Variants in EFHB observed in about 807,000 individuals in gnomAD.
The protein encoded by EFHB is EF-hand domain-containing family member B.
Under a neutral mutation model 87.2 loss-of-function variants are expected in EFHB, and 91 were observed. The ratio of observed to expected loss-of-function variants is 1.04; its 90% CI spans 0.88 to 1.24. The LOEUF is 1.24. EFHB is among the 50% of genes most tolerant of loss of function. The probability of loss-of-function intolerance (pLI) is 0.00; values close to 1 mark genes in which losing one functional copy is unlikely to be tolerated. For synonymous variants in EFHB, 325 were observed against 333.6 expected, an observed-to-expected ratio of 0.97 and a Z score of 0.28; for missense variants, 1,084 against 998.8, an observed-to-expected ratio of 1.09 and a Z score of -1.15.
chr3:19,923,462 A>G (rs1295476339), intron 1 of EFHB, among the ~76,000 whole-genome samples: 2 of 152,128 alleles, frequency 1.3e-5, no homozygotes, highest in Non-Finnish European at 2.9e-5. Context: ...ACCTCAGCTC[A>G]CTGCAACCTC....
intron 1 of EFHB, among the ~76,000 whole-genome samples, chr3:19,930,219 ATT>A (rs1695783701): frequency 6.6e-6 from 1 of 152,208 alleles, no homozygotes; most frequent in Non-Finnish European, 1.5e-5. Context: ...TAATGTTATT[ATT>A]CTTGTGTTAT....
chr3:19,881,189 G>T lies in EFHB; in HGVS notation c.2328+1361C>A, dbSNP rs2071667383. ...TAGCTGCTATTTTCCCCACCCACTG[G>T]TAGTTTAAAAAGGCCCCTGCAGAGT... is the stretch of plus-strand genomic sequence containing the variant. On this transcript the variant is annotated intron_variant, in intron 12 of 12. Transcript: ENST00000295824. 2.0e-5 allele frequency among the ~76,000 whole-genome samples: 3 copies of T among 152,118 alleles called. No individual in the cohort carries two copies. In the South Asian group the frequency reaches 6.2e-4, roughly 32 times the overall value.
chr3:19,916,939 T>C (rs1252229971), intron 4 of EFHB, among the ~76,000 whole-genome samples: 2 of 152,190 alleles, frequency 1.3e-5, no homozygotes, highest in Non-Finnish European at 2.9e-5. Flanking sequence ...ATAATACAGA[T>C]ATATACATTT....
chr3:19,934,440 C>CTCTCT (rs1695959447), upstream of EFHB, among the ~76,000 whole-genome samples: 2 of 142,230 alleles, frequency 1.4e-5, no homozygotes, highest in Non-Finnish European at 3.0e-5. Flanking sequence ...TTGCCCTCTC[C>CTCTCT]CTCTCTCTCC....
At chr3:19,937,578 T>C (rs1439165043), upstream of EFHB, among the ~76,000 whole-genome samples, 1 of 152,092 alleles carries the variant, frequency 6.6e-6, no homozygotes, top group East Asian at 1.9e-4. Flanking sequence ...TTGACTCACA[T>C]TTTCTGTTAT....
At chr3:19,927,665 T>C (rs1695678060) in intron 1 of EFHB, among the ~76,000 whole-genome samples, 1 of 152,186 alleles carries the variant, frequency 6.6e-6, no homozygotes. Context: ...TGCAAAGTGA[T>C]TATCCTCAAG....
At position 19,879,732 on chromosome 3, in the gene EFHB, A is replaced by G. The variant is rs2125120088; in HGVS notation, c.2401T>C (p.Ser801Pro). The G allele has an allele frequency of 6.2e-7, 1 of 1,610,770 alleles. No individual in the cohort carries two copies. The highest frequency in any genetic ancestry group is 8.5e-7 in the Non-Finnish European group (1 of 1,179,126). The stretch of plus-strand genomic sequence containing the variant: ...ACTTCTCCTCTGTGATGCTTTTTTG[A>G]TGCAAGATTCCATACATTTTCAAAT... ...EEFENVWNLA[S>P]KKHHRGEVCV... The change falls in exon 13 of 13, where the codon TCA becomes CCA. Residue 801 changes from serine to proline, a missense_variant. Ser to Pro is a moderately conservative substitution (Grantham distance 74). Transcript: ENST00000295824.
intron 6 of EFHB, 72 bp downstream of exon 6, chr3:19,905,548 G>T: frequency 6.7e-7 from 1 of 1,497,992 alleles, no homozygotes; most frequent in Non-Finnish European, 9.1e-7. Flanking sequence ...AAAAAATAAA[G>T]TTTAAAAATC....
intron 1 of EFHB, among the ~76,000 whole-genome samples, chr3:19,922,181 A>C (rs1489256894): frequency 6.6e-6 from 1 of 152,150 alleles, no homozygotes; most frequent in East Asian, 1.9e-4. Context: ...AAGAAAAATA[A>C]AATTATGAAG....
chr3:19,917,310 TC>T (rs1695267055), intron 4 of EFHB, among the ~76,000 whole-genome samples: 1 of 151,854 alleles, frequency 6.6e-6, no homozygotes, highest in Admixed American at 6.6e-5. Context: ...AATACATTTT[TC>T]ATGTGTCATA....
At chr3:19,936,299 A>G (rs1696019186), upstream of EFHB, 3 of 610,532 alleles carry the variant, frequency 4.9e-6, no homozygotes, top group Non-Finnish European at 8.8e-6. Flanking sequence ...GCAGTGAGCC[A>G]TCATTGCACC....
intron 1 of EFHB, 138 bp downstream of exon 1, chr3:19,933,092 G>T: frequency 9.1e-7 from 1 of 1,100,808 alleles, no homozygotes; most frequent in Admixed American, 3.0e-5. Context: ...AGATTCCAGT[G>T]GGGCAAGAAA....
At chr3:19,919,672 T>C (rs1379490377) in intron 3 of EFHB, among the ~76,000 whole-genome samples, 161 bp downstream of exon 3, 3 of 152,212 alleles carry the variant, frequency 2.0e-5, no homozygotes, top group African/African-American at 7.2e-5. Context: ...GGCTTTTTTT[T>C]ACTGCTCAAG....
intron 1 of EFHB, among the ~76,000 whole-genome samples, chr3:19,922,187 T>C (rs2125154301): frequency 6.6e-6 from 1 of 152,072 alleles, no homozygotes; most frequent in East Asian, 1.9e-4. Context: ...AATAAAATTA[T>C]GAAGGGAATC....
chr3:19,924,386 G>A (rs939646089), intron 1 of EFHB, among the ~76,000 whole-genome samples: 3 of 151,880 alleles, frequency 2.0e-5, no homozygotes, highest in Non-Finnish European at 2.9e-5. Flanking sequence ...GCTAATTTTT[G>A]TATTTTCAGT....
At chr3:19,932,960 G>A (rs887878660) in intron 1 of EFHB, among the ~76,000 whole-genome samples, 2 of 152,144 alleles carry the variant, frequency 1.3e-5, no homozygotes, top group African/African-American at 4.8e-5. Context: ...GAGGCTTGAG[G>A]AAAATGAAAT....
chr3:19,900,734 G>A (rs910983024), intron 6 of EFHB, among the ~76,000 whole-genome samples: 13 of 152,056 alleles, frequency 8.5e-5, no homozygotes, highest in African/African-American at 3.1e-4. Flanking sequence ...TTCAAGACCA[G>A]CCTGACCAAC....
chr3:19,911,838 T>C (rs1227646588), intron 5 of EFHB, among the ~76,000 whole-genome samples: 2 of 152,214 alleles, frequency 1.3e-5, no homozygotes, highest in East Asian at 1.9e-4. Context: ...TTGCCAAGCA[T>C]GGTGGCTCAC....
intron 1 of EFHB, among the ~76,000 whole-genome samples, chr3:19,929,207 CTT>C (rs34805655): frequency 0.015 from 2,187 of 146,374 alleles, 35 homozygotes; most frequent in African/African-American, 0.043. Context: ...TTTTTTTTAA[CTT>C]TTTTTTTTTT....
Sources: allele counts gnomAD v4.1 joint callset (sites outside exome capture counted in the v4.1 genomes callset), GRCh38; gene constraint gnomAD v4.1.1; transcripts MANE v1.5; gene names NCBI Gene and HGNC (gene_info 2026-07-23, HGNC 2026-07-21).